The following OPLAH variants were observed in gnomAD, a reference collection of about 807,000 sequenced individuals.
The protein encoded by OPLAH is 5-oxoprolinase, ATP-hydrolysing.
Under a neutral mutation model 122.8 loss-of-function variants are expected in OPLAH, and 103 were observed. The observed-to-expected ratio is 0.84, with a 90% CI of 0.71 to 0.99. The LOEUF (loss-of-function observed/expected upper bound fraction) is 0.99, where lower values mean the gene tolerates loss of function less well. Ranked by LOEUF, OPLAH falls within the 50% of genes least tolerant of loss-of-function variation. OPLAH has a pLI of 0.00. For synonymous variants in OPLAH, 875 were observed against 796.0 expected (o/e 1.10, Z -1.67); for missense variants, 1,902 against 1,836.5 (o/e 1.04, Z -0.65).
In OPLAH at chr8:144,051,394, G is replaced by A; in HGVS notation, c.3799C>T (p.Pro1267Ser). The change falls in exon 27 of 27, where the codon CCG becomes TCG. Residue 1267 changes from proline (P) to serine (S), a missense_variant. Pro to Ser is a moderately conservative substitution (Grantham distance 74). Transcript: ENST00000618853. Reference protein sequence around the residue: ...EDPAPPPGSPPQALAFPEHGS... With the variant: ...EDPAPPPGSPSQALAFPEHGS... Reference sequence around the variant, plus strand: ...TGCTCGGGAAAGGCCAGTGCTTGCGGGGGCGACCCCGGCGGTGGGGCGGGG... The same window carrying A: ...TGCTCGGGAAAGGCCAGTGCTTGCGAGGGCGACCCCGGCGGTGGGGCGGGG... 6.2e-7 allele frequency: 1 copy of A among 1,601,446 alleles called. No individual in the cohort carries two copies. Among genetic ancestry groups the A allele is most frequent in the Non-Finnish European group, 8.5e-7 (1 of 1,175,560 alleles).
rs782197867 is a variant in OPLAH at position 144,055,950 on chromosome 8, G to A, written c.2097-11C>T. ...TCCACCAGGATGGTGCTGGGGAGCA[G>A]AGGGCACAGAGGGCTGCATGGGGCC... is the stretch of plus-strand genomic sequence containing the variant. On this transcript the variant is annotated splice_polypyrimidine_tract_variant and intron_variant, in intron 15 of 26. Coordinates refer to ENST00000618853, the MANE Select transcript of OPLAH (RefSeq NM_017570.5). This position sits in a 1 kb window ranked among gnomAD's most constrained non-coding sequence, Gnocchi z 6.5. 6.4e-7 allele frequency: 1 copy of A among 1,552,764 alleles called. No individual in the cohort carries two copies. The highest frequency in any genetic ancestry group is 1.2e-5 in the South Asian group (1 of 84,188).
rs1235708168 is a variant in OPLAH at position 144,053,074 on chromosome 8, T to G, written c.2927A>C (p.Gln976Pro). 2 of 1,602,826 alleles carry G rather than the reference T, an allele frequency of 1.2e-6. No homozygotes were observed. Among genetic ancestry groups the G allele is most frequent in the Admixed American group, 3.4e-5 (2 of 58,222 alleles). ...CACCTCCAGGGGCAGGCCCCGGGCC[T>G]GCCGGGAGGTTCCAAAGGCACGCAA... is the stretch of plus-strand genomic sequence containing the variant. ...DMLRAFGTSR[Q>P]ARGLPLEVSS... Residue 976 changes from glutamine to proline, a missense_variant, in exon 21 of 27, where the codon CAG (glutamine) becomes CCG (proline). Transcript: ENST00000618853.
At position 144,058,914 on chromosome 8, in the gene OPLAH, G is replaced by C; in HGVS notation, c.464-18C>G. On this transcript the variant is annotated intron_variant, in intron 4 of 26. Transcript: ENST00000618853. ...CGTGCGGCCTTCCAGAAAAGCCCAG[G>C]AGGCCCCGTTAAAGGCCAGCAGGAC... 1.9e-6 allele frequency: 3 copies of C among 1,550,168 alleles called. No individual in the cohort carries two copies. The highest frequency in any genetic ancestry group is 2.6e-6 in the Non-Finnish European group (3 of 1,146,418).
downstream of OPLAH, chr8:144,050,541 C>T: frequency 1.0e-6 from 1 of 985,666 alleles, no homozygotes; most frequent in Non-Finnish European, 1.2e-6. Flanking sequence ...CTCTGCAGAC[C>T]ACCGGCTAGA....
intron 17 of OPLAH, 46 bp downstream of exon 17, chr8:144,054,981 TGG>T: frequency 3.1e-6 from 1 of 321,980 alleles, no homozygotes; most frequent in Non-Finnish European, 4.6e-6. Context: ...GGGGGGGGGG[TGG>T]AGGGTGAGGG....
chr8:144,059,961 C>G lies in OPLAH; in HGVS notation c.72G>C (p.Gln24His). Residue 24 changes from glutamine to histidine, a missense_variant, in exon 2 of 27, where the codon CAG (glutamine) becomes CAC (histidine). This residue lies in a region of OPLAH where 168 missense variants were observed against 170.6 expected (regional missense o/e 0.98). Transcript: ENST00000618853. Reference sequence around the variant, plus strand: ...AGACCCGCACGTGCCCCCCTGGGCACTGGGCAAAGACGTCTGTGAAGGTAC... The same window carrying G: ...AGACCCGCACGTGCCCCCCTGGGCAGTGGGCAAAGACGTCTGTGAAGGTAC... The part of the protein sequence containing the change: ...RGGTFTDVFA[Q>H]CPGGHVRVLK... 6.2e-7 allele frequency: 1 copy of G among 1,612,786 alleles called. No individual in the cohort carries two copies. Among genetic ancestry groups the G allele is most frequent in the Non-Finnish European group, 8.5e-7 (1 of 1,179,840 alleles).
chr8:144,061,247 A>T (rs1307738832), upstream of OPLAH, among the ~76,000 whole-genome samples: 3 of 152,224 alleles, frequency 2.0e-5, no homozygotes, highest in Non-Finnish European at 4.4e-5. Context: ...CTCCCGGACG[A>T]TTAATGCATT....
chr8:144,058,582 GC>G lies in OPLAH; in HGVS notation c.696del (p.His233ThrfsTer90), dbSNP rs1554760066. The G allele has an allele frequency of 1.9e-6, 3 of 1,602,356 alleles. No individual in the cohort carries two copies. The highest frequency in any genetic ancestry group is 1.3e-5 in the African/African-American group (1 of 74,926). ...AMPMVRIVPRGHTACADAYLT... is the reference protein window; with the variant it reads ...AMPMVRIVPRXHTACADAYLT... The stretch of plus-strand genomic sequence containing the variant: ...AGGTAGGCGTCGGCACAGGCCGTGT[GC>G]CCCCGAGGGACGATGCGCACCATGG... On this transcript the variant is annotated frameshift_variant, in exon 6 of 27. Coordinates refer to ENST00000618853, the MANE Select transcript of OPLAH (RefSeq NM_017570.5). LOFTEE classifies it high-confidence loss of function.
chr8:144,061,662 A>G (rs1835665893), upstream of OPLAH, among the ~76,000 whole-genome samples: 1 of 152,212 alleles, frequency 6.6e-6, no homozygotes, highest in South Asian at 2.1e-4. Context: ...GTTACCCTAT[A>G]TGGTCTAGAA....
rs782367748 is a variant in OPLAH at position 144,053,005 on chromosome 8, C to T, written c.2996G>A (p.Arg999His). 6 of 1,602,422 alleles carry T rather than the reference C, an allele frequency of 3.7e-6. No homozygotes were observed. The African/African-American group carries it at 6.7e-5, about 18-fold the overall frequency. ...CACCTGACTCAGGCTGATCTGCACA[C>T]GGAGGCGGATGGGGGAACCGTCGTC... ...HMDDGSPIRL[R>H]VQISLSQGSA... Residue 999 changes from arginine (R) to histidine (H), a missense_variant, in exon 21 of 27, where the codon CGT (arginine) becomes CAT (histidine). Arg to His is a conservative substitution (Grantham distance 29, BLOSUM62 0). Coordinates refer to ENST00000618853, the MANE Select transcript of OPLAH (RefSeq NM_017570.5).
In OPLAH at chr8:144,057,840, A is replaced by G. The variant is rs782545881; in HGVS notation, c.1156+16T>C. 2 of 1,609,176 alleles carry G rather than the reference A, an allele frequency of 1.2e-6. No individual in the cohort carries two copies. Among genetic ancestry groups the G allele is most frequent in the South Asian group, 2.2e-5 (2 of 90,748 alleles). Reference sequence around the variant, plus strand: ...AGCGGAGGGCAAGGCCAGGCCGGCCAGATCCTGACTCTTACCTTTGCGGTA... The same window carrying G: ...AGCGGAGGGCAAGGCCAGGCCGGCCGGATCCTGACTCTTACCTTTGCGGTA... On this transcript the variant is annotated intron_variant, in intron 9 of 26. Coordinates refer to ENST00000618853, the MANE Select transcript of OPLAH (RefSeq NM_017570.5).
In OPLAH at chr8:144,054,587, A is replaced by T. The variant is rs781902367; in HGVS notation, c.2660T>A (p.Val887Asp). The change falls in exon 19 of 27, where the codon GTC becomes GAC. Residue 887 changes from valine (V) to aspartate (D), a missense_variant. Val to Asp is a radical substitution (Grantham distance 152). Around this residue, in one of 3 missense-constraint regions of OPLAH, gnomAD observed 1,726 missense variants for 1,642.1 expected, o/e 1.05. Transcript: ENST00000618853. ...CTCCTCCTGGAAGACGCCCCCCTGG[A>T]CAAGTTTGAAGGACAGAAAGACGGC... ...EGAVFLSFKL[V>D]QGGVFQEEAV... 1 of 1,598,414 alleles carries T rather than the reference A, an allele frequency of 6.3e-7. No homozygotes were observed. Among genetic ancestry groups the T allele is most frequent in the Non-Finnish European group, 8.6e-7 (1 of 1,168,382 alleles).
Position 144,058,860 on chromosome 8 carries a change from A to C in OPLAH, c.500T>G (p.Val167Gly), listed in dbSNP as rs1835598135. The C allele has an allele frequency of 6.4e-7, 1 of 1,567,722 alleles. No homozygotes were observed. The highest frequency in any genetic ancestry group is 1.2e-5 in the South Asian group (1 of 85,760). Residue 167 changes from valine (V) to glycine (G), a missense_variant, in exon 5 of 27, where the codon GTG (valine) becomes GGG (glycine). By Grantham distance (109) the Val-to-Gly change is moderately radical. Coordinates refer to ENST00000618853, the MANE Select transcript of OPLAH (RefSeq NM_017570.5). ...CTTCCCACGCAGGGCCCCCAGGTCC[A>C]CAGGCTGCTGCACTTCCAGCAGGTC... ...TGDLLEVQQP[V>G]DLGALRGKLE...
rs534883316 is a variant in OPLAH at position 144,051,570 on chromosome 8, C to A, written c.3721-98G>T. The A allele has an allele frequency of 3.3e-6, 4 of 1,215,916 alleles. No individual in the cohort carries two copies. In the East Asian group the frequency reaches 7.7e-5, roughly 23 times the overall value. The allele number at this position is 1,215,916 out of a possible 1,614,324, so 75.3% of individuals were successfully genotyped here. ...CCTCCCCACCGGGCAGCGTCCATCA[C>A]CCGCCCCCATGGACCACGGAGGCCC... is the stretch of plus-strand genomic sequence containing the variant. On this transcript the variant is annotated intron_variant, in intron 26 of 26. Coordinates refer to ENST00000618853, the MANE Select transcript of OPLAH (RefSeq NM_017570.5).
chr8:144,056,409 C>G lies in OPLAH; in HGVS notation c.1959G>C (p.Gln653His). Residue 653 changes from glutamine (Q) to histidine (H), a missense_variant, in exon 14 of 27, where the codon CAG becomes CAC. By Grantham distance (24) the Gln-to-His change is conservative. Around this residue, in one of 3 missense-constraint regions of OPLAH, gnomAD observed 1,726 missense variants for 1,642.1 expected, o/e 1.05. Transcript: ENST00000618853. Reference sequence around the variant, plus strand: ...CCTTGTCCACCCGGGGAGGCCCGGTCTGGGCTTTGGGGGCATCCTCGAGGC... The same window carrying G: ...CCTTGTCCACCCGGGGAGGCCCGGTGTGGGCTTTGGGGGCATCCTCGAGGC... Reference protein sequence around the residue: ...GLRLEDAPKAQTGPPRVDKMT... With the variant: ...GLRLEDAPKAHTGPPRVDKMT... 6.2e-7 allele frequency: 1 copy of G among 1,607,866 alleles called. No homozygotes were observed. The highest frequency in any genetic ancestry group is 8.5e-7 in the Non-Finnish European group (1 of 1,177,940).
At chr8:144,063,832 G>C (rs1296279967), upstream of OPLAH, 1 of 152,472 alleles carries the variant, frequency 6.6e-6, no homozygotes, top group Non-Finnish European at 1.5e-5. The surrounding 1 kb of genome is among the most constrained non-coding windows in gnomAD (Gnocchi z 4.2). Context: ...TTCAGCTCCT[G>C]GTTCTCCTGG....
Position 144,052,871 on chromosome 8 carries a change from A to AGTGCC in OPLAH, c.3043_3047dup (p.Gly1017AlafsTer16), listed in dbSNP as rs1554758044. On this transcript the variant is annotated frameshift_variant, in exon 22 of 27. Coordinates refer to ENST00000618853, the MANE Select transcript of OPLAH (RefSeq NM_017570.5). LOFTEE classifies it high-confidence loss of function. ...TGAGATTACCAAACACCTCCGGCCC[A>AGTGCC]GTGCCGCTGAAGTCAAACACGGCGC... is the stretch of plus-strand genomic sequence containing the variant. 3 of 1,554,428 alleles carry AGTGCC rather than the reference A, an allele frequency of 1.9e-6. No individual in the cohort carries two copies. The highest frequency in any genetic ancestry group is 2.6e-6 in the Non-Finnish European group (3 of 1,149,490).
Position 144,053,201 on chromosome 8 carries a change from A to G in OPLAH, c.2871+8T>C, listed in dbSNP as rs1363258535. ...CCCTGCCGCCCACACTCCTGTGCCC[A>G]GGCCCACCTGAATATGGCCCATGTA... On this transcript the variant is annotated splice_region_variant and intron_variant, in intron 20 of 26. Coordinates refer to ENST00000618853, the MANE Select transcript of OPLAH (RefSeq NM_017570.5). 3.7e-6 allele frequency: 6 copies of G among 1,611,940 alleles called. No homozygotes were observed. In the African/African-American group the frequency reaches 5.3e-5, roughly 14 times the overall value.
upstream of OPLAH, among the ~76,000 whole-genome samples, chr8:144,061,942 C>T (rs28715287): frequency 0.036 from 5,468 of 151,560 alleles, 327 homozygotes; most frequent in African/African-American, 0.13. Context: ...ATCGCTTGAA[C>T]CCAGGAGGCG....
Sources: allele counts gnomAD v4.1 joint callset (sites outside exome capture counted in the v4.1 genomes callset), GRCh38; gene constraint gnomAD v4.1.1; regional missense constraint gnomAD v4.1.1; non-coding constraint Gnocchi (gnomAD v3.1); transcripts MANE v1.5; gene names NCBI Gene and HGNC (gene_info 2026-07-23, HGNC 2026-07-21).